The following GPC5 variants were observed in gnomAD, a reference collection of about 807,000 sequenced individuals.
GPC5 encodes glypican 5, also known as glypican-5.
A neutral mutation model predicts 53.9 loss-of-function variants in GPC5; 47 were observed. That is an observed-to-expected ratio of 0.87 (90% CI 0.69 to 1.11). The LOEUF (loss-of-function observed/expected upper bound fraction) is 1.11, where lower values mean the gene tolerates loss of function less well. GPC5 is among the 50% of genes most tolerant of loss of function. The pLI, the probability that GPC5 is intolerant of heterozygous loss-of-function variation, is 0.00. For synonymous variants in GPC5, 286 were observed against 263.3 expected, an observed-to-expected ratio of 1.09 and a Z score of -0.84; for missense variants, 748 against 713.1, an observed-to-expected ratio of 1.05 and a Z score of -0.56.
intron 6 of GPC5, among the ~76,000 whole-genome samples, chr13:91,933,381 C>T (rs2352197): frequency 0.61 from 93,009 of 151,638 alleles, 29,101 homozygotes; most frequent in East Asian, 0.74. Context: ...TTTTTCTCTA[C>T]TGAGATTTTC....
intron 7 of GPC5, among the ~76,000 whole-genome samples, chr13:92,776,551 T>C (rs1182595872): frequency 1.3e-5 from 2 of 152,184 alleles, no homozygotes; most frequent in Non-Finnish European, 2.9e-5. Context: ...GGCAGGGCCA[T>C]GGGGAGAGGC....
Position 92,170,682 on chromosome 13 carries a change from C to A in GPC5, c.1561+25693C>A, listed in dbSNP as rs150936703. Among the ~76,000 whole-genome samples the A allele has an allele frequency of 4.9e-3, 741 of 152,174 alleles. 10 individuals are homozygous for A. The highest frequency in any genetic ancestry group is 0.016 in the African/African-American group (668 of 41,526). ...TCAGGTGATCCGCCTGCCTCAACCT[C>A]CCAAAGTGCTGGGATTACAGGCGTA... On this transcript the variant is annotated intron_variant, in intron 7 of 7. Transcript: ENST00000377067.
At chr13:92,724,875 TACACACACACAC>T (rs58824655) in intron 7 of GPC5, among the ~76,000 whole-genome samples, 46 of 137,748 alleles carry the variant, frequency 3.3e-4, no homozygotes, top group African/African-American at 9.6e-4. Flanking sequence ...GTCCTACACA[TACACACACACAC>T]ACACACACAC....
chr13:91,451,298 A>G lies in GPC5; in HGVS notation c.325+2376A>G, dbSNP rs560625542. Among the ~76,000 whole-genome samples, 4 of 152,326 alleles carry G rather than the reference A, an allele frequency of 2.6e-5. No individual in the cohort carries two copies. In the East Asian group the frequency reaches 7.7e-4, roughly 29 times the overall value. The stretch of plus-strand genomic sequence containing the variant: ...AGTTATATTGTAGGTTATAAAAGAC[A>G]TTGGACTGGGATGTAGTATGGTCTC... On this transcript the variant is annotated intron_variant, in intron 2 of 7. Transcript: ENST00000377067.
chr13:91,647,387 T>C (rs1469751312), intron 2 of GPC5, among the ~76,000 whole-genome samples: 1 of 152,226 alleles, frequency 6.6e-6, no homozygotes, highest in Non-Finnish European at 1.5e-5. Context: ...TCTCTGAATG[T>C]TTTATTTAAT....
At chr13:92,072,577 T>A (rs961834629) in intron 6 of GPC5, among the ~76,000 whole-genome samples, 10 of 148,486 alleles carry the variant, frequency 6.7e-5, no homozygotes, top group South Asian at 4.3e-4. Context: ...AAATTTTTTT[T>A]TTTTTTTTTT....
At chr13:91,579,982 G>A (rs1010377059) in intron 2 of GPC5, among the ~76,000 whole-genome samples, 6 of 151,858 alleles carry the variant, frequency 4.0e-5, no homozygotes, top group African/African-American at 7.3e-5. Flanking sequence ...GTAACTTCTT[G>A]GGCAATAATT....
intron 2 of GPC5, among the ~76,000 whole-genome samples, chr13:91,544,057 T>G (rs1453185604): frequency 6.6e-6 from 1 of 152,124 alleles, no homozygotes; most frequent in Non-Finnish European, 1.5e-5. Context: ...CAGCCTCAGT[T>G]ATTTCTAGTA....
At chr13:92,680,963 A>T (rs1887093413) in intron 7 of GPC5, among the ~76,000 whole-genome samples, 1 of 152,008 alleles carries the variant, frequency 6.6e-6, no homozygotes, top group Non-Finnish European at 1.5e-5. Context: ...CCTCCATTTA[A>T]TTCATCTTCT....
intron 6 of GPC5, among the ~76,000 whole-genome samples, chr13:91,989,427 A>G (rs892475972): frequency 6.6e-6 from 1 of 152,210 alleles, no homozygotes; most frequent in African/African-American, 2.4e-5. Flanking sequence ...TGCAAAAGAC[A>G]ATGCCAGGTT....
chr13:91,565,674 C>A (rs151160283), intron 2 of GPC5, among the ~76,000 whole-genome samples: 1 of 152,132 alleles, frequency 6.6e-6, no homozygotes. Context: ...CAAATGTAAC[C>A]GACTATTAGT....
chr13:92,653,134 G>A (rs755587774), intron 7 of GPC5, among the ~76,000 whole-genome samples: 34 of 152,302 alleles, frequency 2.2e-4, no homozygotes, highest in Non-Finnish European at 4.3e-4. Flanking sequence ...ATCAAGCAGC[G>A]TACTGCTGTG....
At chr13:91,425,997 C>T (rs775534385) in intron 1 of GPC5, among the ~76,000 whole-genome samples, 12 of 152,068 alleles carry the variant, frequency 7.9e-5, no homozygotes, top group African/African-American at 2.7e-4. Flanking sequence ...CAGCATTTTG[C>T]CCCTGACCTA....
At chr13:92,746,343 C>T (rs1889241743) in intron 7 of GPC5, among the ~76,000 whole-genome samples, 1 of 152,128 alleles carries the variant, frequency 6.6e-6, no homozygotes. Flanking sequence ...TCAAGTGAGA[C>T]TTTTCAAGTA....
intron 6 of GPC5, among the ~76,000 whole-genome samples, chr13:91,916,211 A>C (rs1228350949): frequency 6.6e-6 from 1 of 152,208 alleles, no homozygotes. Context: ...GGAATGTAAA[A>C]GTGTGCAACC....
chr13:92,862,778 C>T (rs1039190944), intron 7 of GPC5, among the ~76,000 whole-genome samples: 9 of 152,098 alleles, frequency 5.9e-5, no homozygotes, highest in South Asian at 2.1e-4. Context: ...TATAAATGAA[C>T]GAGCAAATTA....
In GPC5 at chr13:92,387,127, C is replaced by T. The variant is rs1237379934; in HGVS notation, c.1561+242138C>T. Among the ~76,000 whole-genome samples the T allele has an allele frequency of 3.3e-5, 5 of 152,024 alleles. No homozygotes were observed. In the East Asian group the frequency reaches 9.6e-4, roughly 29 times the overall value. ...GAGATGGTTTGACTTAGTTTTTTGA[C>T]TTTATGATGGTGTGAAAGCAAATGC... On this transcript the variant is annotated intron_variant, in intron 7 of 7. Coordinates refer to ENST00000377067, the MANE Select transcript of GPC5 (RefSeq NM_004466.6).
At chr13:92,414,418 T>A (rs1594181449) in intron 7 of GPC5, among the ~76,000 whole-genome samples, 1 of 150,954 alleles carries the variant, frequency 6.6e-6, no homozygotes, top group East Asian at 2.0e-4. Context: ...GACAGGAGAA[T>A]CACTTGAACC....
chr13:91,869,154 G>A (rs2039116779), intron 5 of GPC5, among the ~76,000 whole-genome samples: 1 of 152,026 alleles, frequency 6.6e-6, no homozygotes, highest in Non-Finnish European at 1.5e-5. Context: ...CTGCCCCCTG[G>A]GTTCAAGTGA....
Sources: allele counts gnomAD v4.1 joint callset (sites outside exome capture counted in the v4.1 genomes callset), GRCh38; gene constraint gnomAD v4.1.1; transcripts MANE v1.5; gene names NCBI Gene and HGNC (gene_info 2026-07-23, HGNC 2026-07-21).